Variants in LCMT1 observed in about 807,000 individuals in gnomAD.
LCMT1 encodes the protein leucine carboxyl methyltransferase 1, also known as [Phosphatase 2A protein]-leucine-carboxy methyltransferase 1.
Under a neutral mutation model 47.7 loss-of-function variants are expected in LCMT1, and 32 were observed. That is an observed-to-expected ratio of 0.67 (90% CI 0.51 to 0.90). The LOEUF is 0.90. Ranked by LOEUF, LCMT1 falls within the 40% of genes least tolerant of loss-of-function variation. The pLI is 0.00. For synonymous variants in LCMT1, 152 were observed against 149.7 expected, an observed-to-expected ratio of 1.02 and a Z score of -0.11; for missense variants, 375 against 415.2, an observed-to-expected ratio of 0.90 and a Z score of 0.84.
intron 9 of LCMT1, among the ~76,000 whole-genome samples, chr16:25,174,042 G>A (rs923656382): frequency 5.3e-5 from 8 of 152,114 alleles, no homozygotes; most frequent in Non-Finnish European, 1.0e-4. Flanking sequence ...CTCCCAAATA[G>A]CTGTGACTAC....
chr16:25,120,928 T>TC (rs1959966450), intron 1 of LCMT1, among the ~76,000 whole-genome samples: 1 of 148,210 alleles, frequency 6.7e-6, no homozygotes, highest in African/African-American at 2.5e-5. Flanking sequence ...TTGTATTTTT[T>TC]TTTTTTTTTT....
intron 3 of LCMT1, among the ~76,000 whole-genome samples, chr16:25,139,550 T>C (rs1194879155): frequency 6.6e-6 from 1 of 151,902 alleles, no homozygotes; most frequent in Non-Finnish European, 1.5e-5. Context: ...CAGAAAATAA[T>C]ACCCTTAATA....
chr16:25,131,183 A>G (rs996234078), intron 2 of LCMT1, among the ~76,000 whole-genome samples: 2 of 152,258 alleles, frequency 1.3e-5, no homozygotes, highest in African/African-American at 2.4e-5. Context: ...GGTGGGTTCT[A>G]TAAGAAATGC....
chr16:25,169,292 A>C, intron 8 of LCMT1, 79 bp downstream of exon 8: 1 of 920,168 alleles, frequency 1.1e-6, no homozygotes, highest in East Asian at 2.4e-5. Flanking sequence ...TGCAGATGTG[A>C]TCATGGAGAA....
intron 4 of LCMT1, chr16:25,143,511 T>C (rs147889361): frequency 2.2e-4 from 34 of 152,254 alleles, no homozygotes; most frequent in African/African-American, 8.2e-4. Flanking sequence ...TTAGTGAAGG[T>C]TTACAGACTT....
chr16:25,160,745 CTGATGCTGTTGTTACGTA>C, intron 5 of LCMT1: 1 of 526,366 alleles, frequency 1.9e-6, no homozygotes, highest in Non-Finnish European at 3.8e-6. Context: ...AAGGATGTCC[CTGATGCTGTTGTTACGTA>C]GGAAAAGCAG....
In LCMT1 at chr16:25,111,835, C is replaced by A; in HGVS notation, c.-49C>A. The A allele has an allele frequency of 7.5e-7, 1 of 1,338,152 alleles. No homozygotes were observed. The highest frequency in any genetic ancestry group is 1.1e-6 in the Non-Finnish European group (1 of 944,854). The allele number at this position is 1,338,152 out of a possible 1,614,324, so 82.9% of individuals were successfully genotyped here. ...GCGCCGTCCCCCGCCGCCCGTCGACCCCGCTTCCATGTCCCTGGCGGACAC... is the reference window on the plus strand; with the variant it reads ...GCGCCGTCCCCCGCCGCCCGTCGACACCGCTTCCATGTCCCTGGCGGACAC... On this transcript the variant is annotated 5_prime_UTR_variant, in exon 1 of 11. Transcript: ENST00000399069.
intron 2 of LCMT1, among the ~76,000 whole-genome samples, chr16:25,129,905 A>T (rs1445875112): frequency 6.6e-6 from 1 of 152,170 alleles, no homozygotes; most frequent in Non-Finnish European, 1.5e-5. Context: ...AGTCTAGAGG[A>T]CGTGGGTCTT....
intron 3 of LCMT1, among the ~76,000 whole-genome samples, chr16:25,134,524 C>T (rs1371020344): frequency 2.6e-5 from 4 of 152,206 alleles, no homozygotes; most frequent in Non-Finnish European, 5.9e-5. Flanking sequence ...TCCTCTTTCC[C>T]CTGCACACAG....
At chr16:25,156,940 C>CT (rs5816285) in intron 5 of LCMT1, among the ~76,000 whole-genome samples, 36,923 of 129,972 alleles carry the variant, frequency 0.28, 5,382 homozygotes, top group East Asian at 0.47. Flanking sequence ...TCCATTTTAC[C>CT]TTTTTTTTTT....
chr16:25,130,536 A>G (rs1597569528), intron 2 of LCMT1, among the ~76,000 whole-genome samples: 1 of 152,118 alleles, frequency 6.6e-6, no homozygotes, highest in Non-Finnish European at 1.5e-5. Flanking sequence ...CTGTAGTCCC[A>G]GCTACTTGGG....
intron 1 of LCMT1, among the ~76,000 whole-genome samples, chr16:25,118,201 T>C (rs1184794739): frequency 1.3e-5 from 2 of 152,122 alleles, no homozygotes; most frequent in African/African-American, 4.8e-5. Flanking sequence ...TTACGTGGGC[T>C]ATAGGGCCCA....
At chr16:25,123,223 C>CT (rs750991801) in intron 1 of LCMT1, among the ~76,000 whole-genome samples, 77,002 of 116,076 alleles carry the variant, frequency 0.66, 26,484 homozygotes, top group Non-Finnish European at 0.72. Flanking sequence ...TATATAACTT[C>CT]TTTTTTTTTT....
At position 25,111,933 on chromosome 16, in the gene LCMT1, C is replaced by T; in HGVS notation, c.50C>T (p.Ser17Leu). ...TCTATCACCTCCTGCTGTTCCACCT[C>T]GAGCTGCGACGCAGACGACGAGGGC... ...ESSITSCCST[S>L]SCDADDEGVR... The change falls in exon 1 of 11, where the codon TCG becomes TTG. Residue 17 changes from serine (S) to leucine (L), a missense_variant. By Grantham distance (145) the Ser-to-Leu change is moderately radical. Transcript: ENST00000399069. The T allele has an allele frequency of 6.2e-7, 1 of 1,613,632 alleles. No homozygotes were observed. Among genetic ancestry groups the T allele is most frequent in the Non-Finnish European group, 8.5e-7 (1 of 1,179,770 alleles).
At chr16:25,113,133 T>G (rs531181285) in intron 1 of LCMT1, among the ~76,000 whole-genome samples, 32 of 87,838 alleles carry the variant, frequency 3.6e-4, no homozygotes, top group African/African-American at 1.5e-3. Flanking sequence ...AGTGCGAGAC[T>G]ATGTCTCAAA....
At chr16:25,118,439 C>T (rs770499149) in intron 1 of LCMT1, among the ~76,000 whole-genome samples, 17 of 152,134 alleles carry the variant, frequency 1.1e-4, no homozygotes, top group Non-Finnish European at 1.9e-4. Flanking sequence ...GCGCCTGCTT[C>T]GGTTATGGAG....
intron 9 of LCMT1, among the ~76,000 whole-genome samples, chr16:25,171,100 G>A (rs530768557): frequency 1.3e-5 from 2 of 152,080 alleles, no homozygotes; most frequent in South Asian, 2.1e-4. Flanking sequence ...GCCAGGTAGG[G>A]TGGTGCACAT....
At chr16:25,151,031 T>G (rs193077597) in intron 4 of LCMT1, among the ~76,000 whole-genome samples, 3 of 152,282 alleles carry the variant, frequency 2.0e-5, no homozygotes, top group Non-Finnish European at 4.4e-5. Context: ...TGATTATGGT[T>G]GTTGGGATAT....
intron 1 of LCMT1, chr16:25,126,194 G>C (rs1960179707): frequency 1.5e-6 from 2 of 1,296,812 alleles, no homozygotes; most frequent in South Asian, 2.5e-5. Flanking sequence ...TTGCATTATG[G>C]ACCCGTGCAT....
Sources: gnomAD v4.1 joint callset for allele counts (sites outside exome capture counted in the v4.1 genomes callset) on GRCh38, gnomAD v4.1.1 for gene constraint, MANE v1.5 for transcripts, NCBI Gene and HGNC (gene_info 2026-07-23, HGNC 2026-07-21) for gene names.